Variants in CAMKMT observed in about 807,000 individuals in gnomAD.
The protein encoded by CAMKMT is calmodulin-lysine N-methyltransferase, also known as CaM KMT.
CAMKMT carries 53 observed loss-of-function variants against 48.0 expected under a neutral mutation model. The observed-to-expected ratio is 1.10, with a 90% CI of 0.89 to 1.39. The LOEUF (loss-of-function observed/expected upper bound fraction) is 1.39, where lower values mean the gene tolerates loss of function less well. CAMKMT is among the 40% of genes most tolerant of loss of function. The pLI is 0.00. For synonymous variants in CAMKMT, 165 were observed against 152.3 expected (o/e 1.08, Z -0.61); for missense variants, 428 against 402.7 (o/e 1.06, Z -0.54).
chr2:44,710,371 G>T (rs1677812837), intron 6 of CAMKMT, among the ~76,000 whole-genome samples: 1 of 152,110 alleles, frequency 6.6e-6, no homozygotes, highest in Non-Finnish European at 1.5e-5. Context: ...ATTAAGACTT[G>T]AGGTAAAAAT....
At chr2:44,656,427 A>G (rs1451703877) in intron 3 of CAMKMT, among the ~76,000 whole-genome samples, 1 of 152,222 alleles carries the variant, frequency 6.6e-6, no homozygotes, top group African/African-American at 2.4e-5. Flanking sequence ...TGGCTTCTCA[A>G]TAAGAGTGGA....
intron 3 of CAMKMT, among the ~76,000 whole-genome samples, chr2:44,491,373 T>G (rs934428637): frequency 2.0e-5 from 3 of 152,124 alleles, no homozygotes; most frequent in Non-Finnish European, 4.4e-5. Flanking sequence ...GTGCCTAAAA[T>G]TTTTTTAAAT....
intron 7 of CAMKMT, among the ~76,000 whole-genome samples, chr2:44,741,742 C>G (rs942281254): frequency 1.5e-4 from 23 of 152,160 alleles, no homozygotes; most frequent in South Asian, 2.1e-4. Context: ...AGAGTCATGA[C>G]TCATTACAGC....
chr2:44,708,840 T>C (rs1677714302), intron 6 of CAMKMT, among the ~76,000 whole-genome samples: 1 of 152,026 alleles, frequency 6.6e-6, no homozygotes, highest in Non-Finnish European at 1.5e-5. Context: ...GCAGGATTAT[T>C]GGACAAGAGA....
chr2:44,767,835 G>GGTC (rs1334272182), intron 10 of CAMKMT, among the ~76,000 whole-genome samples: 1 of 152,152 alleles, frequency 6.6e-6, no homozygotes, highest in Non-Finnish European at 1.5e-5. Context: ...TTCTCTCCAG[G>GGTC]GTCGGGCTGG....
chr2:44,663,600 A>C (rs1234328263), intron 3 of CAMKMT, among the ~76,000 whole-genome samples: 1 of 152,190 alleles, frequency 6.6e-6, no homozygotes. Flanking sequence ...TCCTTCCTGC[A>C]GATGTGGCAT....
intron 3 of CAMKMT, among the ~76,000 whole-genome samples, chr2:44,528,556 A>G (rs189213058): frequency 6.6e-6 from 1 of 152,216 alleles, no homozygotes; most frequent in Non-Finnish European, 1.5e-5. Flanking sequence ...AATACTGCTA[A>G]TTCCTTAATA....
chr2:44,516,709 T>C (rs1190447800), intron 3 of CAMKMT, among the ~76,000 whole-genome samples: 2 of 151,992 alleles, frequency 1.3e-5, no homozygotes, highest in African/African-American at 4.8e-5. Flanking sequence ...AAATATAGTT[T>C]AATCTTTCTA....
At chr2:44,692,754 A>T (rs1676735587) in intron 3 of CAMKMT, among the ~76,000 whole-genome samples, 1 of 152,150 alleles carries the variant, frequency 6.6e-6, no homozygotes, top group Non-Finnish European at 1.5e-5. Flanking sequence ...GACCCCCCAG[A>T]CATAATCTAA....
intron 3 of CAMKMT, among the ~76,000 whole-genome samples, chr2:44,703,771 TAAAAAAAAAAAA>T (rs547342457): frequency 3.6e-5 from 3 of 84,098 alleles, no homozygotes; most frequent in Non-Finnish European, 4.7e-5. Context: ...AGCAAGACTC[TAAAAAAAAAAAA>T]AAAAAAAAAA....
chr2:44,456,274 C>T (rs1194327508), intron 3 of CAMKMT, among the ~76,000 whole-genome samples: 1 of 152,128 alleles, frequency 6.6e-6, no homozygotes, highest in African/African-American at 2.4e-5. Context: ...AAAAGAGTTA[C>T]AGGTTATAAA....
intron 3 of CAMKMT, among the ~76,000 whole-genome samples, chr2:44,513,880 C>A (rs1670697290): frequency 6.6e-6 from 1 of 151,956 alleles, no homozygotes; most frequent in African/African-American, 2.4e-5. Context: ...GTGGGCAGAT[C>A]GCTTGAGCCC....
chr2:44,526,186 C>G (rs1023045445), intron 3 of CAMKMT, among the ~76,000 whole-genome samples: 4 of 152,204 alleles, frequency 2.6e-5, no homozygotes, highest in African/African-American at 9.6e-5. Flanking sequence ...GCCTCTTTCC[C>G]AAGATTTCAA....
At chr2:44,660,052 A>G (rs1020517464) in intron 3 of CAMKMT, among the ~76,000 whole-genome samples, 3 of 152,248 alleles carry the variant, frequency 2.0e-5, no homozygotes, top group Non-Finnish European at 4.4e-5. Flanking sequence ...TTACAAACTC[A>G]TTCAAAATAA....
At chr2:44,541,528 T>A (rs1667105108) in intron 3 of CAMKMT, among the ~76,000 whole-genome samples, 1 of 152,186 alleles carries the variant, frequency 6.6e-6, no homozygotes, top group South Asian at 2.1e-4. Context: ...TAATTTTATA[T>A]CCTGCTACCT....
intron 3 of CAMKMT, among the ~76,000 whole-genome samples, chr2:44,510,579 T>C (rs924579822): frequency 6.6e-6 from 1 of 152,234 alleles, no homozygotes; most frequent in South Asian, 2.1e-4. Context: ...TTTGAGACTA[T>C]ACAAATATCC....
chr2:44,657,950 T>C lies in CAMKMT; in HGVS notation c.377-46333T>C, dbSNP rs1674462956. On this transcript the variant is annotated intron_variant, in intron 3 of 10. Transcript: ENST00000378494. This position sits in a 1 kb window ranked among gnomAD's most constrained non-coding sequence, Gnocchi z 4.3. ...CATACTCTGTTTTTATATAAAATAA[T>C]GGTATCTCTCTCCTCAAATTATTTT... 1.3e-5 allele frequency among the ~76,000 whole-genome samples: 2 copies of C among 152,334 alleles called. No individual in the cohort carries two copies. Among genetic ancestry groups the C allele is most frequent in the African/African-American group, 2.4e-5 (1 of 41,570 alleles).
rs1387725199 is a variant in CAMKMT, at chr2:44,683,831, A to AG, written c.377-20452_377-20451insG. Among the ~76,000 whole-genome samples the AG allele has an allele frequency of 7.4e-4, 108 of 145,690 alleles. 2 individuals are homozygous for AG. The highest frequency in any genetic ancestry group is 2.5e-3 in the African/African-American group (90 of 36,722). On this transcript the variant is annotated intron_variant, in intron 3 of 10. Transcript: ENST00000378494. Reference sequence around the variant, plus strand: ...GAGCGAGACTCTGTCTCAAAAAAAAAAAAAAAAAAAAAGAAAAAGAAAAAA... The same window carrying AG: ...GAGCGAGACTCTGTCTCAAAAAAAAAGAAAAAAAAAAAAGAAAAAGAAAAAA...
At chr2:44,562,155 A>C (rs1159979340) in intron 3 of CAMKMT, among the ~76,000 whole-genome samples, 3 of 152,184 alleles carry the variant, frequency 2.0e-5, no homozygotes, top group African/African-American at 7.2e-5. Flanking sequence ...CTTTGAGTAG[A>C]AAGTCCTCTA....
Sources: gnomAD v4.1 joint callset for allele counts (sites outside exome capture counted in the v4.1 genomes callset) on GRCh38, gnomAD v4.1.1 for gene constraint, Gnocchi (gnomAD v3.1) non-coding constraint, MANE v1.5 for transcripts, NCBI Gene and HGNC (gene_info 2026-07-23, HGNC 2026-07-21) for gene names.